EPAS1: variants seen among roughly 807,000 people sequenced by gnomAD.
EPAS1 encodes the protein endothelial PAS domain-containing protein 1.
In EPAS1, 23 loss-of-function variants were observed where a neutral mutation model predicts 87.9. The observed-to-expected ratio is 0.26, with a 90% CI of 0.19 to 0.37. The LOEUF (loss-of-function observed/expected upper bound fraction) is 0.37, where lower values mean the gene tolerates loss of function less well. Ranked by LOEUF, EPAS1 falls within the 10% of genes least tolerant of loss-of-function variation. EPAS1 has a pLI of 1.00. For synonymous variants in EPAS1, 508 were observed against 444.3 expected (o/e 1.14, Z -1.80); for missense variants, 1,138 against 1,120.7 (o/e 1.02, Z -0.22).
rs116649766 is a variant in EPAS1, at chr2:46,365,471, G to A, written c.780-4356G>A. ...AAGAAGTTGAGAATAAGTAAAAATGGTGAAAGTGAGGGAAACGTTGAGGAT... is the reference window on the plus strand; with the variant it reads ...AAGAAGTTGAGAATAAGTAAAAATGATGAAAGTGAGGGAAACGTTGAGGAT... On this transcript the variant is annotated intron_variant, in intron 6 of 15. Coordinates refer to ENST00000263734, the MANE Select transcript of EPAS1 (RefSeq NM_001430.5). 3.1e-3 allele frequency among the ~76,000 whole-genome samples: 474 copies of A among 152,304 alleles called. 3 individuals carry two copies. The highest frequency in any genetic ancestry group is 0.011 in the African/African-American group (461 of 41,566).
chr2:46,347,789 T>A lies in EPAS1; in HGVS notation c.217+726T>A, dbSNP rs1684064248. Reference sequence around the variant, plus strand: ...TCAAGAAACCATTTCCTATGCGTCCTGACCAGAAACAGGTGTCTTGAGTAG... The same window carrying A: ...TCAAGAAACCATTTCCTATGCGTCCAGACCAGAAACAGGTGTCTTGAGTAG... On this transcript the variant is annotated intron_variant, in intron 2 of 15. Coordinates refer to ENST00000263734, the MANE Select transcript of EPAS1 (RefSeq NM_001430.5). This position sits in a 1 kb window ranked among gnomAD's most constrained non-coding sequence, Gnocchi z 4.2. 6.6e-6 allele frequency among the ~76,000 whole-genome samples: 1 copy of A among 152,246 alleles called. No individual in the cohort carries two copies.
intron 9 of EPAS1, among the ~76,000 whole-genome samples, chr2:46,377,408 CG>C (rs1377635670): frequency 6.6e-6 from 1 of 152,156 alleles, no homozygotes; most frequent in African/African-American, 2.4e-5. Context: ...CTGTGGCTGC[CG>C]GAAGAGTGGT....
intron 7 of EPAS1, among the ~76,000 whole-genome samples, chr2:46,370,708 A>T (rs1684610647): frequency 6.6e-6 from 1 of 152,200 alleles, no homozygotes; most frequent in Non-Finnish European, 1.5e-5. Context: ...AATTAATTTA[A>T]ATGTAAATAT....
chr2:46,383,655 GA>G (rs532473588), intron 15 of EPAS1, among the ~76,000 whole-genome samples: 1 of 152,206 alleles, frequency 6.6e-6, no homozygotes, highest in Non-Finnish European at 1.5e-5. Flanking sequence ...TGAAGCCCAC[GA>G]ATTACCTTGA....
chr2:46,317,768 A>C (rs994073682), intron 1 of EPAS1, among the ~76,000 whole-genome samples: 2 of 152,240 alleles, frequency 1.3e-5, no homozygotes, highest in African/African-American at 4.8e-5. Context: ...CACCTTCATC[A>C]ATGATCTTAG....
chr2:46,309,953 G>A (rs1558582751), intron 1 of EPAS1, among the ~76,000 whole-genome samples: 2 of 152,196 alleles, frequency 1.3e-5, no homozygotes, highest in Admixed American at 1.3e-4. Flanking sequence ...AGCATCAAGT[G>A]GGTGGTTGGA....
chr2:46,329,709 C>G (rs559016878), intron 1 of EPAS1, among the ~76,000 whole-genome samples: 1 of 152,146 alleles, frequency 6.6e-6, no homozygotes, highest in Non-Finnish European at 1.5e-5. Context: ...GTAATCCCAG[C>G]TACTTGGGAG....
chr2:46,336,264 A>C (rs1358665067), intron 1 of EPAS1, among the ~76,000 whole-genome samples: 1 of 152,192 alleles, frequency 6.6e-6, no homozygotes, highest in African/African-American at 2.4e-5. Context: ...TGAAGGATAC[A>C]CGAAAGTGGA....
In EPAS1 at chr2:46,347,254, G is replaced by T; in HGVS notation, c.217+191G>T. On this transcript the variant is annotated intron_variant, in intron 2 of 15. Coordinates refer to ENST00000263734, the MANE Select transcript of EPAS1 (RefSeq NM_001430.5). The surrounding 1 kb of genome is among the most constrained non-coding windows in gnomAD (Gnocchi z 4.2). ...CTCTTCCAGCAGTGACCTTTACCGT[G>T]AATCCAGCTGTGAGAGGAGGGCAGG... The T allele has an allele frequency of 1.5e-6, 1 of 683,892 alleles. No individual in the cohort carries two copies. Among genetic ancestry groups the T allele is most frequent in the South Asian group, 1.7e-5 (1 of 57,344 alleles). 42.4% of individuals were successfully genotyped at this position (683,892 alleles called of 1,614,324 possible).
At chr2:46,330,393 T>G (rs1683650908) in intron 1 of EPAS1, among the ~76,000 whole-genome samples, 1 of 152,210 alleles carries the variant, frequency 6.6e-6, no homozygotes. Flanking sequence ...GAACTGAGGC[T>G]CTCTCAAGTC....
At position 46,385,746 on chromosome 2, in the gene EPAS1, G is replaced by T. The variant is rs998641247; in HGVS notation, c.*1086G>T. The stretch of plus-strand genomic sequence containing the variant: ...GGGTCTGATGGCACGTTGTGGGGTC[G>T]GGGGGTGGGGCGGGGAAGTGCTCTA... On this transcript the variant is annotated 3_prime_UTR_variant, in exon 16 of 16. Transcript: ENST00000263734. The T allele has an allele frequency of 2.0e-5, 3 of 152,172 alleles. 1 individual carries two copies. The East Asian group carries it at 5.8e-4, about 29-fold the overall frequency. The allele number at this position is 152,172 out of a possible 1,614,324, so 9.4% of individuals were successfully genotyped here.
At chr2:46,320,705 A>G (rs1683438608) in intron 1 of EPAS1, among the ~76,000 whole-genome samples, 1 of 152,170 alleles carries the variant, frequency 6.6e-6, no homozygotes, top group South Asian at 2.1e-4. Flanking sequence ...TGCCCGTGCC[A>G]TTATCATCTT....
At chr2:46,333,041 C>G (rs551599191) in intron 1 of EPAS1, among the ~76,000 whole-genome samples, 21 of 152,334 alleles carry the variant, frequency 1.4e-4, no homozygotes, top group Non-Finnish European at 2.8e-4. Flanking sequence ...CCAGCTACTT[C>G]TGTGTGAAAA....
At chr2:46,373,339 C>G (rs946625580) in intron 7 of EPAS1, among the ~76,000 whole-genome samples, 1 of 152,120 alleles carries the variant, frequency 6.6e-6, no homozygotes, top group African/African-American at 2.4e-5. Flanking sequence ...ATGTTTATAG[C>G]AGCTTTATTC....
At chr2:46,379,252 A>T (rs1327429175) in intron 11 of EPAS1, among the ~76,000 whole-genome samples, 1 of 152,242 alleles carries the variant, frequency 6.6e-6, no homozygotes, top group South Asian at 2.1e-4. Flanking sequence ...TTATTACATA[A>T]GGCCAATGTT....
chr2:46,316,722 T>C (rs755053303), intron 1 of EPAS1, among the ~76,000 whole-genome samples: 8 of 152,138 alleles, frequency 5.3e-5, no homozygotes, highest in Non-Finnish European at 1.0e-4. Context: ...AAGGTTGGGG[T>C]GGCTGTGGCA....
rs1053896490 is a variant in EPAS1 at position 46,313,739 on chromosome 2, C to T, written c.26+15802C>T. ...GTGCTGGGATTACAGGCATGAGCCA[C>T]GGTGACCAGCCCCACATGTCATAAT... On this transcript the variant is annotated intron_variant, in intron 1 of 15. Coordinates refer to ENST00000263734, the MANE Select transcript of EPAS1 (RefSeq NM_001430.5). Among the ~76,000 whole-genome samples the T allele has an allele frequency of 2.6e-5, 4 of 152,304 alleles. 1 individual carries two copies. In the East Asian group the frequency reaches 5.8e-4, roughly 22 times the overall value.
At chr2:46,345,710 G>A (rs903084497) in intron 1 of EPAS1, among the ~76,000 whole-genome samples, 6 of 152,084 alleles carry the variant, frequency 3.9e-5, no homozygotes, top group African/African-American at 1.4e-4. Context: ...TAGTTATTAT[G>A]CATCTAGCCT....
Position 46,377,991 on chromosome 2 carries a change from C to G in EPAS1, c.1347C>G (p.Ser449Arg), listed in dbSNP as rs368387065. The G allele has an allele frequency of 1.3e-6, 2 of 1,582,014 alleles. No homozygotes were observed. Among genetic ancestry groups the G allele is most frequent in the South Asian group, 2.3e-5 (2 of 86,440 alleles). ...AGTTGAGGAGCCACAGCACCCAGAG[C>G]GAGGCTGGGAGCCTGCCTGCCTTCA... ...ATELRSHSTQ[S>R]EAGSLPAFTV... The change falls in exon 10 of 16, where the codon AGC becomes AGG. Residue 449 changes from serine (S) to arginine (R), a missense_variant. Transcript: ENST00000263734.
Sources: gnomAD v4.1 joint callset for allele counts (sites outside exome capture counted in the v4.1 genomes callset) on GRCh38, gnomAD v4.1.1 for gene constraint, Gnocchi (gnomAD v3.1) non-coding constraint, MANE v1.5 for transcripts, NCBI Gene and HGNC (gene_info 2026-07-23, HGNC 2026-07-21) for gene names.